The following LOC128462377 variants were observed in gnomAD, a reference collection of about 807,000 sequenced individuals.
At chr16:89,375,947 C>T in the LOC128462377 span, among the ~76,000 whole-genome samples, 2 of 152,098 alleles carry the variant, frequency 1.3e-5, no homozygotes, top group Non-Finnish European at 2.9e-5. Flanking sequence ...GCTAAACTTG[C>T]GTGACACGCC....
At chr16:89,362,127 C>T in the LOC128462377 span, among the ~76,000 whole-genome samples, 1 of 152,246 alleles carries the variant, frequency 6.6e-6, no homozygotes, top group Non-Finnish European at 1.5e-5. Context: ...TTTACCCAAT[C>T]TGACATGTGG....
the LOC128462377 span, among the ~76,000 whole-genome samples, chr16:89,363,706 C>CA: frequency 1.3e-5 from 2 of 152,160 alleles, no homozygotes. Context: ...CCCTGTGAAA[C>CA]AAACACACTC....
the LOC128462377 span, chr16:89,323,347 G>A: frequency 1.6e-6 from 2 of 1,288,718 alleles, no homozygotes; most frequent in Admixed American, 4.6e-5. Context: ...TGGAAGAGAA[G>A]CACCACTGGC....
chr16:89,415,463 A>G, the LOC128462377 span, among the ~76,000 whole-genome samples: 1 of 143,076 alleles, frequency 7.0e-6, no homozygotes, highest in Non-Finnish European at 1.5e-5. Context: ...ACGGGGTTTC[A>G]CCGTGTTAGC....
the LOC128462377 span, among the ~76,000 whole-genome samples, chr16:89,364,904 G>A: frequency 2.0e-5 from 3 of 152,298 alleles, no homozygotes; most frequent in South Asian, 6.2e-4. Flanking sequence ...AAGCCTCATC[G>A]AATGCTGAAT....
chr16:89,375,055 A>G, the LOC128462377 span, among the ~76,000 whole-genome samples: 3 of 152,160 alleles, frequency 2.0e-5, no homozygotes, highest in African/African-American at 7.2e-5. Flanking sequence ...CAGACTGTAC[A>G]TGGCATCGTT....
the LOC128462377 span, among the ~76,000 whole-genome samples, chr16:89,402,695 T>G: frequency 1.3e-5 from 1 of 76,652 alleles, no homozygotes; most frequent in Non-Finnish European, 2.6e-5. Context: ...GGAGGTGAGG[T>G]GGCTCTGCGA....
the LOC128462377 span, among the ~76,000 whole-genome samples, chr16:89,401,627 G>A: frequency 6.6e-6 from 1 of 152,018 alleles, no homozygotes; most frequent in Non-Finnish European, 1.5e-5. Flanking sequence ...CCCCAAGAAT[G>A]GTATGTTGAA....
At chr16:89,335,420 G>T in the LOC128462377 span, among the ~76,000 whole-genome samples, 4 of 152,284 alleles carry the variant, frequency 2.6e-5, no homozygotes, top group South Asian at 8.3e-4. Context: ...TGCATTCAGG[G>T]GTCTCTGCCG....
At chr16:89,406,482 C>T in the LOC128462377 span, among the ~76,000 whole-genome samples, 11 of 152,160 alleles carry the variant, frequency 7.2e-5, no homozygotes, top group Admixed American at 2.6e-4. Flanking sequence ...CACCGTGCAC[C>T]GTGACAAGAC....
At chr16:89,329,281 G>A in the LOC128462377 span, among the ~76,000 whole-genome samples, 40 of 152,314 alleles carry the variant, frequency 2.6e-4, no homozygotes, top group East Asian at 3.9e-3. Flanking sequence ...TCTGCAGGGC[G>A]GTCACCCTGT....
the LOC128462377 span, among the ~76,000 whole-genome samples, chr16:89,411,518 ATCC>A: frequency 1.3e-5 from 2 of 152,060 alleles, no homozygotes; most frequent in Admixed American, 1.3e-4. Flanking sequence ...AGCTCAAGAG[ATCC>A]TCCTACCTCA....
At chr16:89,406,086 G>C in the LOC128462377 span, among the ~76,000 whole-genome samples, 697 of 149,150 alleles carry the variant, frequency 4.7e-3, 8 homozygotes, top group African/African-American at 0.017. Flanking sequence ...CTCCAGCCTG[G>C]GTGACAAAGG....
At chr16:89,333,852 G>T in the LOC128462377 span, among the ~76,000 whole-genome samples, 2 of 152,214 alleles carry the variant, frequency 1.3e-5, no homozygotes, top group African/African-American at 4.8e-5. Flanking sequence ...AGAAAGGGAC[G>T]GTATTATTCT....
chr16:89,404,620 G>C, the LOC128462377 span, among the ~76,000 whole-genome samples: 1 of 152,174 alleles, frequency 6.6e-6, no homozygotes, highest in South Asian at 2.1e-4. Context: ...CCTAGGTCAG[G>C]AGAAGACAGA....
At chr16:89,375,414 T>A in the LOC128462377 span, among the ~76,000 whole-genome samples, 2 of 151,834 alleles carry the variant, frequency 1.3e-5, no homozygotes, top group Non-Finnish European at 2.9e-5. Flanking sequence ...TGGTCATGCC[T>A]GTGACAAGCC....
At chr16:89,379,096 G>A in the LOC128462377 span, among the ~76,000 whole-genome samples, 4 of 152,312 alleles carry the variant, frequency 2.6e-5, no homozygotes, top group East Asian at 1.9e-4. Context: ...TCGGCAGTGC[G>A]GACCAGCCCC....
At chr16:89,331,871 T>C in the LOC128462377 span, among the ~76,000 whole-genome samples, 581 of 151,276 alleles carry the variant, frequency 3.8e-3, 2 homozygotes, top group African/African-American at 0.014. Context: ...GGACTCGGGT[T>C]TGGTTCCGGG....
chr16:89,398,495 C>A, the LOC128462377 span, among the ~76,000 whole-genome samples: 1 of 152,024 alleles, frequency 6.6e-6, no homozygotes, highest in African/African-American at 2.4e-5. Flanking sequence ...GACATGAGGA[C>A]TGCTTGAGCC....
Sources: allele counts gnomAD v4.1 joint callset (sites outside exome capture counted in the v4.1 genomes callset), GRCh38; gene constraint gnomAD v4.1.1; transcripts MANE v1.5.